Variants in CCDC194 observed in about 807,000 individuals in gnomAD.
The protein encoded by CCDC194 is coiled-coil domain containing 194.
Under a neutral mutation model 4.9 loss-of-function variants are expected in CCDC194, and 8 were observed. That is an observed-to-expected ratio of 1.65 (90% CI 0.97 to 2.97). The LOEUF is 2.97. Ranked by LOEUF, CCDC194 falls within the 30% of genes most tolerant of loss-of-function variation. CCDC194 has a pLI of 0.00. For missense variants in CCDC194, 52 were observed against 43.1 expected (o/e 1.21, Z -0.58); for synonymous variants, 13 against 17.0 (o/e 0.76, Z 0.58).
downstream of CCDC194, chr19:17,390,391 T>C (rs2074649471): frequency 2.6e-6 from 1 of 382,588 alleles, no homozygotes; most frequent in Admixed American, 4.5e-5. The surrounding 1 kb of genome is among the most constrained non-coding windows in gnomAD (Gnocchi z 5.5). Flanking sequence ...TCAGGACGTC[T>C]CCAGGGTCTA....
In CCDC194 at chr19:17,393,816, C is replaced by T. The variant is rs2074663967; in HGVS notation, c.324+19G>A. On this transcript the variant is annotated intron_variant, in intron 1 of 3. Transcript: ENST00000636079. ...AACATTCTGGATTCCCGAGCTCCCC[C>T]TCTACCCGGCCCACCTACCTGGCGG... 2.5e-6 allele frequency: 1 copy of T among 395,954 alleles called. No homozygotes were observed. Among genetic ancestry groups the T allele is most frequent in the East Asian group, 3.6e-5 (1 of 27,836 alleles). 24.5% of individuals were successfully genotyped at this position (395,954 alleles called of 1,614,324 possible).
downstream of CCDC194, among the ~76,000 whole-genome samples, chr19:17,390,180 G>A (rs766527877): frequency 9.9e-5 from 15 of 152,078 alleles, no homozygotes; most frequent in Non-Finnish European, 1.8e-4. This position sits in a 1 kb window ranked among gnomAD's most constrained non-coding sequence, Gnocchi z 5.5. Flanking sequence ...GACCCTTTCC[G>A]GTTTTTCCTG....
chr19:17,391,758 G>T (rs1489466145), exon 2 of CCDC194: 5 of 1,535,602 alleles, frequency 3.3e-6, no homozygotes, highest in Middle Eastern at 1.7e-4. Context: ...ACCTGTCAGC[G>T]CCCCGTTCTC....
chr19:17,393,614 C>T (rs1313946552), intron 1 of CCDC194, among the ~76,000 whole-genome samples: 1 of 152,046 alleles, frequency 6.6e-6, no homozygotes, highest in Admixed American at 6.6e-5. Context: ...GTCTCGAACT[C>T]CTGACCTCAG....
At chr19:17,389,979 A>G (rs1290094341), downstream of CCDC194, among the ~76,000 whole-genome samples, 1 of 152,094 alleles carries the variant, frequency 6.6e-6, no homozygotes, top group Non-Finnish European at 1.5e-5. Context: ...ACCAAACCAA[A>G]ACAAACATGT....
rs548284738 is a variant in CCDC194, at chr19:17,392,844, G to A, written c.324+991C>T. On this transcript the variant is annotated intron_variant, in intron 1 of 3. Coordinates refer to ENST00000636079, the Ensembl canonical transcript of CCDC194. Reference sequence around the variant, plus strand: ...TTACAAGCATGCGCCATCACACCTGGCTAATTTTTGTATTTTTAGTAGAGA... The same window carrying A: ...TTACAAGCATGCGCCATCACACCTGACTAATTTTTGTATTTTTAGTAGAGA... Among the ~76,000 whole-genome samples the A allele has an allele frequency of 2.6e-5, 4 of 152,254 alleles. No individual in the cohort carries two copies. The East Asian group carries it at 7.7e-4, about 29-fold the overall frequency.
At chr19:17,393,839 C>A (rs1256844082) in exon 1 of CCDC194, 1 of 397,206 alleles carries the variant, frequency 2.5e-6, no homozygotes, top group Non-Finnish European at 4.4e-6. Flanking sequence ...ACCTACCTGG[C>A]GGCCTTCACA....
chr19:17,392,158 G>T (rs2074657069), intron 1 of CCDC194: 1 of 239,534 alleles, frequency 4.2e-6, no homozygotes, highest in African/African-American at 2.3e-5. Flanking sequence ...CTCCATCTGG[G>T]ACTAGCTGAT....
chr19:17,391,993 A>AC, intron 1 of CCDC194, 147 bp from the exon 2 acceptor site: 3 of 741,712 alleles, frequency 4.0e-6, no homozygotes, highest in Non-Finnish European at 6.1e-6. Flanking sequence ...TTGTAGTTGT[A>AC]AAATACAGAA....
intron 3 of CCDC194, 139 bp downstream of exon 3, chr19:17,391,072 A>G (rs1030221323): frequency 7.0e-6 from 2 of 285,566 alleles, no homozygotes; most frequent in Non-Finnish European, 5.9e-6. Flanking sequence ...GGATCCCCCT[A>G]TTAAATCAAC....
At chr19:17,387,645 G>T (rs1016943106), downstream of CCDC194, among the ~76,000 whole-genome samples, 6 of 152,002 alleles carry the variant, frequency 3.9e-5, no homozygotes, top group African/African-American at 1.4e-4. Flanking sequence ...TTGAACCCGA[G>T]AGGCGGAGGT....
At chr19:17,391,116 A>T (rs2074652807) in intron 3 of CCDC194, 95 bp downstream of exon 3, 1 of 295,750 alleles carries the variant, frequency 3.4e-6, no homozygotes, top group African/African-American at 2.3e-5. Flanking sequence ...CCACGCCCAA[A>T]GTAATGATTG....
intron 1 of CCDC194, among the ~76,000 whole-genome samples, chr19:17,393,481 C>G (rs376364172): frequency 6.7e-6 from 1 of 149,224 alleles, no homozygotes; most frequent in African/African-American, 2.5e-5. Flanking sequence ...CTCCACCTTC[C>G]GGGTTCAAGC....
downstream of CCDC194, chr19:17,390,503 GC>G (rs2074650067): frequency 2.5e-6 from 1 of 393,034 alleles, no homozygotes; most frequent in South Asian, 1.3e-4. The surrounding 1 kb of genome is among the most constrained non-coding windows in gnomAD (Gnocchi z 5.5). Flanking sequence ...CCGGCAGGGG[GC>G]CGACTCACCC....
intron 2 of CCDC194, 84 bp downstream of exon 2, chr19:17,391,666 G>C (rs559668049): frequency 2.0e-6 from 3 of 1,534,736 alleles, no homozygotes; most frequent in South Asian, 2.4e-5. Flanking sequence ...CATTACGTTT[G>C]CAACTGTGCT....
At position 17,393,855 on chromosome 19, in the gene CCDC194, T is replaced by TTAATGCC; in HGVS notation, c.297_303dup (p.Lys102GlyfsTer6). On this transcript the variant is annotated frameshift_variant, in exon 1 of 4. Transcript: ENST00000636079. LOFTEE classifies it high-confidence loss of function. The stretch of plus-strand genomic sequence containing the variant: ...CCTACCTGGCGGCCTTCACAGGCCT[T>TTAATGCC]TAATGCCTTCTCCAACTCGTGCCGG... The TTAATGCC allele has an allele frequency of 2.5e-6, 1 of 397,524 alleles. No homozygotes were observed. Among genetic ancestry groups the TTAATGCC allele is most frequent in the Non-Finnish European group, 4.4e-6 (1 of 225,328 alleles). The allele number at this position is 397,524 out of a possible 1,614,324, so 24.6% of individuals were successfully genotyped here.
chr19:17,391,710 C>T (rs901966512), intron 2 of CCDC194, 40 bp downstream of exon 2: 1 of 1,535,564 alleles, frequency 6.5e-7, no homozygotes, highest in African/African-American at 1.4e-5. Context: ...TAGGCTCCTC[C>T]CACTTCTATC....
At chr19:17,387,643 G>A (rs530144483), downstream of CCDC194, among the ~76,000 whole-genome samples, 2 of 152,112 alleles carry the variant, frequency 1.3e-5, no homozygotes, top group South Asian at 2.1e-4. Context: ...GTTTGAACCC[G>A]AGAGGCGGAG....
chr19:17,391,993 A>G lies in CCDC194; in HGVS notation c.325-147T>C, dbSNP rs1407114743. The G allele has an allele frequency of 5.4e-6, 4 of 741,600 alleles. No individual in the cohort carries two copies. In the East Asian group the frequency reaches 9.4e-5, roughly 17 times the overall value. The allele number at this position is 741,600 out of a possible 1,614,324, so 45.9% of individuals were successfully genotyped here. ...ATGTCCTTTGGGGCCTTGTAGTTGTAAAATACAGAAGTGGCTTCTGAAGCC... is the reference window on the plus strand; with the variant it reads ...ATGTCCTTTGGGGCCTTGTAGTTGTGAAATACAGAAGTGGCTTCTGAAGCC... On this transcript the variant is annotated intron_variant, in intron 1 of 3. Coordinates refer to ENST00000636079, the Ensembl canonical transcript of CCDC194.
Sources: allele counts gnomAD v4.1 joint callset (sites outside exome capture counted in the v4.1 genomes callset), GRCh38; gene constraint gnomAD v4.1.1; non-coding constraint Gnocchi (gnomAD v3.1); transcripts MANE v1.5; gene names NCBI Gene and HGNC (gene_info 2026-07-23, HGNC 2026-07-21).